The following PLPP1 variants were observed in gnomAD, a reference collection of about 807,000 sequenced individuals.
The protein encoded by PLPP1 is lipid phosphate phosphohydrolase 1a.
PLPP1 carries 24 observed loss-of-function variants against 31.2 expected under a neutral mutation model. The ratio of observed to expected loss-of-function variants is 0.77; its 90% CI spans 0.56 to 1.08. The LOEUF is 1.08. PLPP1 is among the 50% of genes least tolerant of loss of function. The pLI is 0.00. For synonymous variants in PLPP1, 146 were observed against 126.3 expected (o/e 1.16, Z -1.05); for missense variants, 319 against 342.7 (o/e 0.93, Z 0.55).
At chr5:55,521,815 T>C (rs147808356) in intron 1 of PLPP1, among the ~76,000 whole-genome samples, 74 of 152,350 alleles carry the variant, frequency 4.9e-4, no homozygotes, top group African/African-American at 1.8e-3. Context: ...AGGCTAATAC[T>C]ATGTACCTCA....
intron 4 of PLPP1, among the ~76,000 whole-genome samples, chr5:55,426,788 G>T (rs1401769356): frequency 1.3e-5 from 2 of 151,796 alleles, no homozygotes; most frequent in Non-Finnish European, 2.9e-5. Context: ...GGCCTATCTA[G>T]GGACTATTTC....
intron 1 of PLPP1, among the ~76,000 whole-genome samples, chr5:55,533,701 T>C (rs780948624): frequency 5.9e-5 from 9 of 152,230 alleles, no homozygotes; most frequent in Non-Finnish European, 1.0e-4. Flanking sequence ...TTTGTTTTTG[T>C]TTATTCCATC....
intron 3 of PLPP1, among the ~76,000 whole-genome samples, chr5:55,449,706 A>T (rs1329122465): frequency 1.3e-5 from 2 of 152,190 alleles, no homozygotes; most frequent in East Asian, 1.9e-4. Flanking sequence ...AACATGAGGC[A>T]TTTTCTTCAA....
intron 1 of PLPP1, among the ~76,000 whole-genome samples, chr5:55,512,752 G>A (rs891370283): frequency 4.0e-5 from 4 of 100,582 alleles, no homozygotes; most frequent in South Asian, 7.0e-4. Context: ...ACCCCTTTGG[G>A]GAAAGAAACA....
At chr5:55,496,919 T>A (rs776368132) in intron 1 of PLPP1, among the ~76,000 whole-genome samples, 6 of 152,198 alleles carry the variant, frequency 3.9e-5, no homozygotes, top group Non-Finnish European at 7.3e-5. Context: ...AAAATGCATT[T>A]TACAAAGAGA....
intron 4 of PLPP1, among the ~76,000 whole-genome samples, 153 bp downstream of exon 4, chr5:55,441,698 A>G (rs1176869422): frequency 6.6e-6 from 1 of 152,204 alleles, no homozygotes; most frequent in Non-Finnish European, 1.5e-5. Context: ...GCACACATCA[A>G]CTACTTCTCA....
At chr5:55,457,813 C>A (rs919740567) in intron 3 of PLPP1, among the ~76,000 whole-genome samples, 1 of 150,240 alleles carries the variant, frequency 6.7e-6, no homozygotes, top group Admixed American at 6.7e-5. Context: ...CGCTTGAACC[C>A]GGGAGGCAGA....
At chr5:55,441,768 T>C (rs372690973) in intron 4 of PLPP1, 83 bp downstream of exon 4, 2 of 1,403,252 alleles carry the variant, frequency 1.4e-6, no homozygotes, top group Non-Finnish European at 1.0e-6. Flanking sequence ...GCTAATTTAT[T>C]AGGACAGGTG....
intron 1 of PLPP1, among the ~76,000 whole-genome samples, chr5:55,502,545 C>T (rs1246862958): frequency 1.3e-5 from 2 of 151,940 alleles, no homozygotes; most frequent in Non-Finnish European, 2.9e-5. Context: ...CTACTAGTCA[C>T]ATGAGGCTAC....
chr5:55,511,650 GTTTTTTTTTTTTTTTTTT>G (rs1158182340), intron 1 of PLPP1, among the ~76,000 whole-genome samples: 13 of 51,496 alleles, frequency 2.5e-4, no homozygotes, highest in African/African-American at 5.4e-4. Context: ...CACGTGTTGA[GTTTTTTTTTTTTTTTTTT>G]TTTTTTTTTT....
intron 1 of PLPP1, among the ~76,000 whole-genome samples, chr5:55,506,221 T>C (rs1753273892): frequency 1.3e-5 from 2 of 148,682 alleles, no homozygotes; most frequent in Non-Finnish European, 3.0e-5. Context: ...AGTCCTACTT[T>C]AGCTTAAGAA....
At chr5:55,481,069 A>G (rs768552893) in intron 1 of PLPP1, among the ~76,000 whole-genome samples, 3 of 152,230 alleles carry the variant, frequency 2.0e-5, no homozygotes, top group Non-Finnish European at 4.4e-5. Flanking sequence ...CCACAAACCA[A>G]ATACCACAAG....
intron 1 of PLPP1, among the ~76,000 whole-genome samples, chr5:55,520,980 C>T (rs557739247): frequency 1.3e-5 from 2 of 152,182 alleles, no homozygotes; most frequent in East Asian, 1.9e-4. Flanking sequence ...AGGAGGCTGA[C>T]GCAGTAGGAT....
chr5:55,450,360 G>T (rs770418307), intron 3 of PLPP1, among the ~76,000 whole-genome samples: 2 of 152,134 alleles, frequency 1.3e-5, no homozygotes, highest in Middle Eastern at 3.2e-3. Context: ...GACACAGTAG[G>T]TATGTGTGTA....
At position 55,517,167 on chromosome 5, in the gene PLPP1, G is replaced by A. The variant is rs973064817; in HGVS notation, c.58+17405C>T. On this transcript the variant is annotated intron_variant, in intron 1 of 5. Transcript: ENST00000307259. The stretch of plus-strand genomic sequence containing the variant: ...TTTACAAAATATTCAACCAAATTAT[G>A]CTATCTTTCAAATCAAATATTTCTT... Among the ~76,000 whole-genome samples the A allele has an allele frequency of 3.3e-5, 5 of 152,038 alleles. No individual in the cohort carries two copies. The South Asian group carries it at 1.0e-3, about 32-fold the overall frequency.
rs371578684 is a variant in PLPP1 at position 55,441,923 on chromosome 5, A to C, written c.492-15T>G. 30 of 1,611,046 alleles carry C rather than the reference A, an allele frequency of 1.9e-5. No individual in the cohort carries two copies. Among genetic ancestry groups the C allele is most frequent in the Non-Finnish European group, 2.5e-5 (29 of 1,177,300 alleles). On this transcript the variant is annotated splice_polypyrimidine_tract_variant and intron_variant, in intron 3 of 5. Coordinates refer to ENST00000307259, the MANE Select transcript of PLPP1 (RefSeq NM_003711.4). ...AGAAGGACAACCTGGAAGAAAAAGA[A>C]GACAAATGTTACTTTTCTCTCTTAG...
At chr5:55,480,675 G>T (rs1480913219) in intron 1 of PLPP1, among the ~76,000 whole-genome samples, 1 of 151,948 alleles carries the variant, frequency 6.6e-6, no homozygotes, top group Non-Finnish European at 1.5e-5. Flanking sequence ...ACCACATTTG[G>T]TTTACCCACT....
chr5:55,456,002 CT>C (rs34560581), intron 3 of PLPP1, among the ~76,000 whole-genome samples: 3 of 151,316 alleles, frequency 2.0e-5, no homozygotes, highest in East Asian at 1.9e-4. Flanking sequence ...GGCTCATTAG[CT>C]TTTTTTTTCC....
intron 1 of PLPP1, among the ~76,000 whole-genome samples, chr5:55,516,949 C>T (rs1753567285): frequency 6.6e-6 from 1 of 152,152 alleles, no homozygotes; most frequent in Admixed American, 6.5e-5. Context: ...TATCCATTTA[C>T]ATTCTTTATT....
Sources: allele counts gnomAD v4.1 joint callset (sites outside exome capture counted in the v4.1 genomes callset), GRCh38; gene constraint gnomAD v4.1.1; transcripts MANE v1.5; gene names NCBI Gene and HGNC (gene_info 2026-07-23, HGNC 2026-07-21).